TBC1D22B: variants seen among roughly 807,000 people sequenced by gnomAD.
TBC1D22B encodes the protein TBC1 domain family member 22B, also known as chromosome 6 open reading frame 197.
A neutral mutation model predicts 69.1 loss-of-function variants in TBC1D22B; 32 were observed. That is an observed-to-expected ratio of 0.46 (90% CI 0.35 to 0.62). The LOEUF (loss-of-function observed/expected upper bound fraction) is 0.62. Ranked by LOEUF, TBC1D22B falls within the 20% of genes least tolerant of loss-of-function variation. The pLI is 0.00. For synonymous variants in TBC1D22B, 206 were observed against 229.8 expected (o/e 0.90, Z 0.94); for missense variants, 462 against 630.9 (o/e 0.73, Z 2.87).
At position 37,312,987 on chromosome 6, in the gene TBC1D22B, G is replaced by A; in HGVS notation, c.1052G>A (p.Ser351Asn). 6.2e-7 allele frequency: 1 copy of A among 1,614,238 alleles called. No homozygotes were observed. Among genetic ancestry groups the A allele is most frequent in the Non-Finnish European group, 8.5e-7 (1 of 1,180,034 alleles). ...QDMLRSIEAD[S>N]FWCMSKLLDG... ...ATGCTGCGAAGCATTGAGGCTGACA[G>A]CTTTTGGTGCATGAGCAAGCTGCTG... is the stretch of plus-strand genomic sequence containing the variant. Residue 351 changes from serine to asparagine, a missense_variant, in exon 9 of 13, where the codon AGC becomes AAC. Around this residue, in one of 2 missense-constraint regions of TBC1D22B, gnomAD observed 225 missense variants for 375.4 expected, o/e 0.60. Coordinates refer to ENST00000373491, the MANE Select transcript of TBC1D22B (RefSeq NM_017772.4).
intron 2 of TBC1D22B, 45 bp downstream of exon 2, chr6:37,269,695 C>G: frequency 6.4e-7 from 1 of 1,553,494 alleles, no homozygotes; most frequent in South Asian, 1.1e-5. Context: ...GCTGTCACCC[C>G]TATACCCTCC....
chr6:37,298,572 G>T (rs532388091), intron 8 of TBC1D22B, among the ~76,000 whole-genome samples: 5 of 103,750 alleles, frequency 4.8e-5, no homozygotes, highest in Non-Finnish European at 1.7e-5. Flanking sequence ...TTGAGACGGA[G>T]TCTTGCTCTG....
rs1768564957 is a variant in TBC1D22B, at chr6:37,330,960, C to A, written c.1390-84C>A. On this transcript the variant is annotated intron_variant, in intron 12 of 12. Transcript: ENST00000373491. The stretch of plus-strand genomic sequence containing the variant: ...TGAGCCAGGAGGAAGGGGCCCCATT[C>A]TAGGCCTTGGTCTCTAAGAATGGGT... 5.9e-6 allele frequency: 9 copies of A among 1,515,974 alleles called. No homozygotes were observed. In the South Asian group the frequency reaches 1.1e-4, roughly 18 times the overall value. 93.9% of individuals were successfully genotyped at this position (1,515,974 alleles called of 1,614,324 possible).
At chr6:37,280,214 G>C (rs1396621913) in intron 3 of TBC1D22B, among the ~76,000 whole-genome samples, 1 of 152,104 alleles carries the variant, frequency 6.6e-6, no homozygotes, top group Non-Finnish European at 1.5e-5. Context: ...ATGTGTTGGT[G>C]GTTTTATTAG....
intron 7 of TBC1D22B, among the ~76,000 whole-genome samples, chr6:37,290,611 TC>T (rs1381063200): frequency 6.6e-6 from 1 of 152,054 alleles, no homozygotes; most frequent in Non-Finnish European, 1.5e-5. Context: ...GTTCTCAAAT[TC>T]CCAGCTATAG....
chr6:37,314,167 C>T lies in TBC1D22B; in HGVS notation c.1165+276C>T, dbSNP rs533633838. 3.9e-5 allele frequency among the ~76,000 whole-genome samples: 6 copies of T among 152,350 alleles called. No homozygotes were observed. In the South Asian group the frequency reaches 1.2e-3, roughly 32 times the overall value. ...CTCTCTTCAGTACGCCCGTTCCCCA[C>T]TTCCCCAGCCACAGCTCTGGTCCAG... is the stretch of plus-strand genomic sequence containing the variant. On this transcript the variant is annotated intron_variant, in intron 10 of 12. Transcript: ENST00000373491.
intron 12 of TBC1D22B, among the ~76,000 whole-genome samples, chr6:37,323,256 A>C (rs1340055570): frequency 6.6e-6 from 1 of 152,148 alleles, no homozygotes; most frequent in South Asian, 2.1e-4. Flanking sequence ...TGCCAGTCGC[A>C]GTGGCTCATG....
Position 37,313,092 on chromosome 6 carries a change from CT to C in TBC1D22B, c.1089+71del, listed in dbSNP as rs1411236323. ...GAGGCTCCCAGCAGGGCTTTGGTTTCTTTCTTGCTCTTCTGTATCAGGCAGG... is the reference window on the plus strand; with the variant it reads ...GAGGCTCCCAGCAGGGCTTTGGTTTCTTCTTGCTCTTCTGTATCAGGCAGG... On this transcript the variant is annotated intron_variant, in intron 9 of 12. Transcript: ENST00000373491. 3 of 1,248,750 alleles carry C rather than the reference CT, an allele frequency of 2.4e-6. No individual in the cohort carries two copies. In the African/African-American group the frequency reaches 4.4e-5, roughly 18 times the overall value. 77.4% of individuals were successfully genotyped at this position (1,248,750 alleles called of 1,614,324 possible).
At chr6:37,311,020 A>T (rs929437649) in intron 8 of TBC1D22B, among the ~76,000 whole-genome samples, 1 of 152,174 alleles carries the variant, frequency 6.6e-6, no homozygotes, top group Non-Finnish European at 1.5e-5. Context: ...GTATGCCATA[A>T]ATAATTTTTC....
intron 8 of TBC1D22B, among the ~76,000 whole-genome samples, chr6:37,300,686 A>T (rs1004806906): frequency 1.3e-5 from 2 of 149,916 alleles, no homozygotes; most frequent in African/African-American, 5.1e-5. Flanking sequence ...GTGGCTTTTT[A>T]AAAAAAATTC....
intron 12 of TBC1D22B, among the ~76,000 whole-genome samples, chr6:37,330,775 T>C (rs1312215762): frequency 6.6e-6 from 1 of 151,864 alleles, no homozygotes; most frequent in Non-Finnish European, 1.5e-5. Context: ...CTTAAAAATC[T>C]TTATTGTTGT....
chr6:37,288,973 C>G (rs1204522979), intron 7 of TBC1D22B, among the ~76,000 whole-genome samples: 7 of 152,074 alleles, frequency 4.6e-5, no homozygotes, highest in Non-Finnish European at 8.8e-5. Context: ...ACTGCAACCT[C>G]TACTCCCCGG....
chr6:37,282,775 G>T, intron 4 of TBC1D22B, 107 bp from the exon 5 acceptor site: 1 of 1,066,398 alleles, frequency 9.4e-7, no homozygotes, highest in South Asian at 1.3e-5. Flanking sequence ...AGCAGGTGGT[G>T]GTGGTGGTCT....
intron 10 of TBC1D22B, among the ~76,000 whole-genome samples, chr6:37,315,757 G>A (rs1768058292): frequency 2.0e-5 from 3 of 152,016 alleles, no homozygotes; most frequent in Non-Finnish European, 4.4e-5. Context: ...TGTATTTTCA[G>A]TAAAGACAGG....
chr6:37,278,739 G>A (rs1766737006), intron 2 of TBC1D22B, among the ~76,000 whole-genome samples: 1 of 152,070 alleles, frequency 6.6e-6, no homozygotes, highest in African/African-American at 2.4e-5. Context: ...AGACCAGCCT[G>A]GGCAACATAG....
At chr6:37,272,529 A>G (rs1442194522) in intron 2 of TBC1D22B, among the ~76,000 whole-genome samples, 1 of 151,904 alleles carries the variant, frequency 6.6e-6, no homozygotes, top group Non-Finnish European at 1.5e-5. Flanking sequence ...CTGGGACTAC[A>G]GGCATGGGCC....
Position 37,282,482 on chromosome 6 carries a change from G to A in TBC1D22B, c.601+118G>A, listed in dbSNP as rs1766867153. 2.5e-5 allele frequency: 30 copies of A among 1,222,552 alleles called. 1 individual carries two copies. The South Asian group carries it at 4.6e-4, about 19-fold the overall frequency. The allele number at this position is 1,222,552 out of a possible 1,614,324, so 75.7% of individuals were successfully genotyped here. A position where few individuals can be genotyped will look rare whatever the true frequency, so the allele number is the denominator to read the frequency against. ...TACTTTTCTAGCTTCTCCTGACCTG[G>A]TGCCCATTGCAGTGACATGCAGGTA... On this transcript the variant is annotated intron_variant, in intron 4 of 12. Coordinates refer to ENST00000373491, the MANE Select transcript of TBC1D22B (RefSeq NM_017772.4).
chr6:37,320,809 A>T (rs1768217115), intron 12 of TBC1D22B, among the ~76,000 whole-genome samples: 1 of 152,194 alleles, frequency 6.6e-6, no homozygotes, highest in Admixed American at 6.5e-5. Flanking sequence ...AAGGAGCCTG[A>T]GGCACATTTG....
chr6:37,324,876 C>A (rs1768349612), intron 12 of TBC1D22B, among the ~76,000 whole-genome samples: 1 of 152,182 alleles, frequency 6.6e-6, no homozygotes, highest in Non-Finnish European at 1.5e-5. Context: ...GCCTCAATTT[C>A]CTCATCTGTA....
Sources: gnomAD v4.1 joint callset for allele counts (sites outside exome capture counted in the v4.1 genomes callset) on GRCh38, gnomAD v4.1.1 for gene constraint, gnomAD v4.1.1 regional missense constraint, MANE v1.5 for transcripts, NCBI Gene and HGNC (gene_info 2026-07-23, HGNC 2026-07-21) for gene names.